Variants in KIF26B observed in about 807,000 individuals in gnomAD.
KIF26B encodes kinesin-like protein KIF26B.
In KIF26B, 63 loss-of-function variants were observed where a neutral mutation model predicts 151.2. The observed-to-expected ratio is 0.42, with a 90% CI of 0.34 to 0.51. KIF26B has a LOEUF of 0.51. KIF26B is among the 20% of genes least tolerant of loss of function. The pLI is 0.07. For synonymous variants in KIF26B, 1,357 were observed against 1,262.1 expected, an observed-to-expected ratio of 1.08 and a Z score of -1.59; for missense variants, 2,813 against 2,913.6, an observed-to-expected ratio of 0.97 and a Z score of 0.79.
At chr1:245,472,813 A>G (rs1257812758) in intron 4 of KIF26B, among the ~76,000 whole-genome samples, 4 of 152,198 alleles carry the variant, frequency 2.6e-5, no homozygotes, top group Non-Finnish European at 5.9e-5. Context: ...AGGGTTCCCC[A>G]GGCCTGCATG....
At chr1:245,618,232 C>T (rs1036880877) in intron 9 of KIF26B, among the ~76,000 whole-genome samples, 1 of 152,222 alleles carries the variant, frequency 6.6e-6, no homozygotes, top group Admixed American at 6.5e-5. Flanking sequence ...TTTTGCCTTA[C>T]TCCGCCTTAT....
At chr1:245,274,100 GACA>G (rs780440729) in intron 2 of KIF26B, among the ~76,000 whole-genome samples, 2 of 152,094 alleles carry the variant, frequency 1.3e-5, no homozygotes, top group East Asian at 3.8e-4. Flanking sequence ...GTTCTAAGCT[GACA>G]ACAACTTCAG....
At chr1:245,555,386 G>A (rs1390371622) in intron 5 of KIF26B, among the ~76,000 whole-genome samples, 1 of 152,162 alleles carries the variant, frequency 6.6e-6, no homozygotes, top group Admixed American at 6.5e-5. Flanking sequence ...TCTCTTACGT[G>A]TGCTTCTTCT....
At chr1:245,269,609 C>T (rs1204852556) in intron 2 of KIF26B, among the ~76,000 whole-genome samples, 4 of 151,794 alleles carry the variant, frequency 2.6e-5, no homozygotes, top group Admixed American at 6.6e-5. Context: ...GAATTATAGG[C>T]GCCTGCCACC....
chr1:245,556,299 C>CCCTCCTCCTCCTTCCTCCCT (rs1662029660), intron 5 of KIF26B, among the ~76,000 whole-genome samples: 1 of 146,468 alleles, frequency 6.8e-6, no homozygotes, highest in Admixed American at 6.7e-5. Flanking sequence ...CCTCCTTCCT[C>CCCTCCTCCTCCTTCCTCCCT]CCTCCTCCTC....
intron 4 of KIF26B, among the ~76,000 whole-genome samples, chr1:245,470,691 A>C (rs1334440814): frequency 1.3e-5 from 2 of 152,052 alleles, no homozygotes; most frequent in Non-Finnish European, 2.9e-5. Flanking sequence ...CGGCCTCCCA[A>C]AGTGCTGGGA....
Position 245,169,328 on chromosome 1 carries a change from G to GGTGTGTGGGGGTGTGTGTGT in KIF26B, c.465+12652_465+12653insGGGGTGTGTGTGTGTGTGTG, listed in dbSNP as rs56332945. 3.7e-5 allele frequency among the ~76,000 whole-genome samples: 5 copies of GGTGTGTGGGGGTGTGTGTGT among 134,178 alleles called. No individual in the cohort carries two copies. In the Admixed American group the frequency reaches 3.7e-4, roughly 10 times the overall value. 88.0% of individuals were successfully genotyped at this position (134,178 alleles called of 152,430 possible). ...TGCACTCGACTTTCTAACGGGCCATGGTGTGTGTGTGTGTGTGTGTGTGTG... is the reference window on the plus strand; with the variant it reads ...TGCACTCGACTTTCTAACGGGCCATGGTGTGTGGGGGTGTGTGTGTGTGTGTGTGTGTGTGTGTGTGTGTG... On this transcript the variant is annotated intron_variant, in intron 2 of 14. Coordinates refer to ENST00000407071, the MANE Select transcript of KIF26B (RefSeq NM_018012.4).
chr1:245,253,255 C>T (rs993124216), intron 2 of KIF26B, among the ~76,000 whole-genome samples: 9 of 151,928 alleles, frequency 5.9e-5, no homozygotes, highest in Non-Finnish European at 8.8e-5. Flanking sequence ...GTGATCTGCC[C>T]GCCTTGGCCT....
chr1:245,475,525 C>A (rs993051037), intron 4 of KIF26B, among the ~76,000 whole-genome samples: 2 of 151,646 alleles, frequency 1.3e-5, no homozygotes, highest in African/African-American at 4.8e-5. Flanking sequence ...CCAGCCTGGG[C>A]GACAGAGCCA....
In KIF26B at chr1:245,688,026, C is replaced by T. The variant is rs76570797; in HGVS notation, c.5043C>T (p.Ser1681=). The T allele has an allele frequency of 0.012, 19,166 of 1,559,706 alleles. 171 individuals carry two copies. Among genetic ancestry groups the T allele is most frequent in the African/African-American group, 0.033 (2,462 of 73,632 alleles). The change falls in exon 12 of 15, where the codon TCC becomes TCT. Residue 1681 remains serine (S), a synonymous_variant. Transcript: ENST00000407071. ...RATVSHYECL[S]LERAESLSSV... is the part of the protein sequence containing the mutation. ...CAGTCAGCCACTACGAATGCCTCTCCCTGGAGCGGGCCGAGAGCCTGTCCT... is the reference window on the plus strand; with the variant it reads ...CAGTCAGCCACTACGAATGCCTCTCTCTGGAGCGGGCCGAGAGCCTGTCCT...
intron 2 of KIF26B, among the ~76,000 whole-genome samples, chr1:245,184,374 TGAATGA>T (rs1236715788): frequency 6.6e-6 from 1 of 152,106 alleles, no homozygotes; most frequent in Admixed American, 6.6e-5. Flanking sequence ...TATAGCACAT[TGAATGA>T]GAATGGAGAG....
chr1:245,515,248 C>T (rs559364989), intron 4 of KIF26B, among the ~76,000 whole-genome samples: 1 of 152,286 alleles, frequency 6.6e-6, no homozygotes, highest in South Asian at 2.1e-4. Context: ...TTCTTCTCTC[C>T]TTCTATGAGA....
At chr1:245,303,510 A>G (rs919012139) in intron 2 of KIF26B, among the ~76,000 whole-genome samples, 2 of 152,154 alleles carry the variant, frequency 1.3e-5, no homozygotes, top group Non-Finnish European at 2.9e-5. Flanking sequence ...AAATGTTCTT[A>G]AAGATCCTTT....
chr1:245,202,179 G>A (rs575071326), intron 2 of KIF26B, among the ~76,000 whole-genome samples: 6 of 152,178 alleles, frequency 3.9e-5, no homozygotes, highest in Non-Finnish European at 8.8e-5. Flanking sequence ...AGTAAGACCT[G>A]AGAAATATTA....
chr1:245,702,824 G>A lies in KIF26B; in HGVS notation c.*218G>A. The A allele has an allele frequency of 2.0e-6, 1 of 494,680 alleles. No individual in the cohort carries two copies. Among genetic ancestry groups the A allele is most frequent in the Middle Eastern group, 5.3e-4 (1 of 1,898 alleles). The allele number at this position is 494,680 out of a possible 1,614,324, so 30.6% of individuals were successfully genotyped here. A position where few individuals can be genotyped will look rare whatever the true frequency, so the allele number is the denominator to read the frequency against. On this transcript the variant is annotated 3_prime_UTR_variant, in exon 15 of 15. Coordinates refer to ENST00000407071, the MANE Select transcript of KIF26B (RefSeq NM_018012.4). This position sits in a 1 kb window ranked among gnomAD's most constrained non-coding sequence, Gnocchi z 4.1. Reference sequence around the variant, plus strand: ...CCGTGGAAGGAGAAAAGGATGGGAAGCCCGAGGGGTGTCCAAGCCCTGTGA... The same window carrying A: ...CCGTGGAAGGAGAAAAGGATGGGAAACCCGAGGGGTGTCCAAGCCCTGTGA...
chr1:245,592,421 A>G (rs2043297783), intron 5 of KIF26B, among the ~76,000 whole-genome samples: 1 of 152,246 alleles, frequency 6.6e-6, no homozygotes, highest in South Asian at 2.1e-4. Context: ...CAATCTCTGC[A>G]GCCTCAAAAT....
intron 12 of KIF26B, 121 bp downstream of exon 12, chr1:245,688,928 C>A (rs767166410): frequency 2.3e-6 from 3 of 1,302,838 alleles, no homozygotes; most frequent in Admixed American, 3.0e-5. Flanking sequence ...CCTCTCCTTG[C>A]AGGTGGGCGA....
chr1:245,444,942 A>G (rs187169335), intron 4 of KIF26B, among the ~76,000 whole-genome samples: 1 of 152,352 alleles, frequency 6.6e-6, no homozygotes, highest in East Asian at 1.9e-4. Flanking sequence ...CAACATTTTA[A>G]GTGGAAACAG....
chr1:245,477,372 G>A (rs1407312787), intron 4 of KIF26B, among the ~76,000 whole-genome samples: 2 of 151,636 alleles, frequency 1.3e-5, no homozygotes, highest in African/African-American at 2.4e-5. Flanking sequence ...GAACCAAGAC[G>A]AAGATTCCTG....
Sources: gnomAD v4.1 joint callset for allele counts (sites outside exome capture counted in the v4.1 genomes callset) on GRCh38, gnomAD v4.1.1 for gene constraint, Gnocchi (gnomAD v3.1) non-coding constraint, MANE v1.5 for transcripts, NCBI Gene and HGNC (gene_info 2026-07-23, HGNC 2026-07-21) for gene names.